FBXL17: variants seen among roughly 807,000 people sequenced by gnomAD.
FBXL17 encodes the protein F-box/LRR-repeat protein 17.
Under a neutral mutation model 66.2 loss-of-function variants are expected in FBXL17, and 22 were observed. That is an observed-to-expected ratio of 0.33 (90% CI 0.24 to 0.47). The LOEUF (loss-of-function observed/expected upper bound fraction) is 0.47. FBXL17 is among the 20% of genes least tolerant of loss of function. FBXL17 has a pLI of 1.00. For missense variants in FBXL17, 878 were observed against 948.2 expected (o/e 0.93, Z 0.97); for synonymous variants, 474 against 400.5 (o/e 1.18, Z -2.19).
intron 3 of FBXL17, among the ~76,000 whole-genome samples, chr5:108,353,633 T>C (rs1747782490): frequency 6.6e-6 from 1 of 152,164 alleles, no homozygotes. Flanking sequence ...TGTGGGAGTT[T>C]TGTCAGAGCC....
chr5:108,129,388 G>A (rs1750839135), intron 6 of FBXL17, among the ~76,000 whole-genome samples: 1 of 151,938 alleles, frequency 6.6e-6, no homozygotes, highest in Non-Finnish European at 1.5e-5. Context: ...ATATTTCTAA[G>A]GAATTCATCT....
At position 108,381,142 on chromosome 5, in the gene FBXL17, G is replaced by A. The variant is rs1203946148; in HGVS notation, c.550C>T (p.Pro184Ser). ...AAVQLFRGPT[P>S]SPAELPTPPE... ...GGCGTAGGGAGCTCGGCCGGTGACGGTGTCGGCCCCCGGAAGAGCTGCACG... is the reference window on the plus strand; with the variant it reads ...GGCGTAGGGAGCTCGGCCGGTGACGATGTCGGCCCCCGGAAGAGCTGCACG... The change falls in exon 1 of 9, where the codon CCG becomes TCG. Residue 184 changes from proline (P) to serine (S), a missense_variant. By Grantham distance (74) the Pro-to-Ser change is moderately conservative (BLOSUM62 -1). Transcript: ENST00000542267. 19 of 1,393,472 alleles carry A rather than the reference G, an allele frequency of 1.4e-5. No homozygotes were observed. In the Admixed American group the frequency reaches 5.6e-4, roughly 41 times the overall value. The allele number at this position is 1,393,472 out of a possible 1,614,324, so 86.3% of individuals were successfully genotyped here.
rs1580941256 is a variant in FBXL17, at chr5:108,381,496, G to A, written c.196C>T (p.His66Tyr). Residue 66 changes from histidine to tyrosine, a missense_variant, in exon 1 of 9, where the codon CAC (histidine) becomes TAC (tyrosine). Around this residue, in one of 4 missense-constraint regions of FBXL17, gnomAD observed 605 missense variants for 509.5 expected, o/e 1.19. Coordinates refer to ENST00000542267, the MANE Select transcript of FBXL17 (RefSeq NM_001163315.3). ...RGPCMLCFIV[H>Y]SPGAPAPAGP... ...GCGGGGGCGGGCGCGCCGGGACTGT[G>A]CACGATGAAGCAGAGCATGCAGGGC... The A allele has an allele frequency of 3.6e-6, 5 of 1,387,834 alleles. No homozygotes were observed. The East Asian group carries it at 1.2e-4, about 34-fold the overall frequency. 86.0% of individuals were successfully genotyped at this position (1,387,834 alleles called of 1,614,324 possible). A position where few individuals can be genotyped will look rare whatever the true frequency, so the allele number is the denominator to read the frequency against.
intron 7 of FBXL17, among the ~76,000 whole-genome samples, chr5:107,940,173 T>C (rs188668435): frequency 4.6e-5 from 7 of 152,266 alleles, no homozygotes; most frequent in Admixed American, 4.6e-4. Flanking sequence ...AGAGTTGTCA[T>C]TTGAACCCAG....
intron 7 of FBXL17, among the ~76,000 whole-genome samples, chr5:107,998,364 C>G (rs537974008): frequency 3.9e-5 from 6 of 152,204 alleles, no homozygotes; most frequent in Middle Eastern, 6.8e-3. Flanking sequence ...CAATTACTTT[C>G]TTCAACTCAA....
intron 6 of FBXL17, among the ~76,000 whole-genome samples, chr5:108,174,018 T>C (rs1459369232): frequency 6.6e-6 from 1 of 152,184 alleles, no homozygotes; most frequent in African/African-American, 2.4e-5. Context: ...TGAGAAGCCA[T>C]ATGAGAAGCC....
chr5:107,879,690 T>C (rs1411653961), intron 8 of FBXL17: 1 of 985,352 alleles, frequency 1.0e-6, no homozygotes, highest in Admixed American at 6.1e-5. Flanking sequence ...TGCATGCCCT[T>C]TGAATGGCGT....
chr5:108,101,914 C>T (rs1749616017), intron 6 of FBXL17, among the ~76,000 whole-genome samples: 1 of 152,140 alleles, frequency 6.6e-6, no homozygotes, highest in Non-Finnish European at 1.5e-5. Context: ...GTAGACATCA[C>T]AGAAGCAAAA....
chr5:108,325,911 A>G (rs764544047), intron 4 of FBXL17, among the ~76,000 whole-genome samples: 6 of 152,210 alleles, frequency 3.9e-5, no homozygotes, highest in Non-Finnish European at 7.4e-5. Flanking sequence ...CTACAAAACC[A>G]AAAGACTCTA....
chr5:107,957,855 A>G (rs1751723984), intron 7 of FBXL17, among the ~76,000 whole-genome samples: 1 of 152,202 alleles, frequency 6.6e-6, no homozygotes, highest in Non-Finnish European at 1.5e-5. Context: ...CTGAAAAATG[A>G]ATCTCCATTT....
At chr5:108,178,088 C>A (rs1036552225) in intron 6 of FBXL17, among the ~76,000 whole-genome samples, 1 of 151,806 alleles carries the variant, frequency 6.6e-6, no homozygotes, top group African/African-American at 2.4e-5. Context: ...AGCAGTGGCA[C>A]GATCACAGCT....
intron 6 of FBXL17, among the ~76,000 whole-genome samples, chr5:108,129,718 T>C (rs1449231676): frequency 1.3e-5 from 2 of 151,942 alleles, no homozygotes; most frequent in African/African-American, 2.4e-5. Flanking sequence ...CAGTAATTCA[T>C]TACCACAATA....
At chr5:107,861,910 G>T in intron 8 of FBXL17, 50 bp from the exon 9 acceptor site, 1 of 1,418,584 alleles carries the variant, frequency 7.0e-7, no homozygotes. Flanking sequence ...CCAACACCAC[G>T]CCGCTGCCCA....
intron 4 of FBXL17, among the ~76,000 whole-genome samples, chr5:108,226,533 C>T (rs964083576): frequency 1.3e-5 from 2 of 152,074 alleles, no homozygotes; most frequent in African/African-American, 2.4e-5. Flanking sequence ...CATTTTTACA[C>T]CAGTGACTCA....
chr5:108,288,381 G>A (rs984931499), intron 4 of FBXL17, among the ~76,000 whole-genome samples: 2 of 151,058 alleles, frequency 1.3e-5, no homozygotes, highest in Non-Finnish European at 3.0e-5. Flanking sequence ...AAAAAAATGG[G>A]ACCAACAGAC....
chr5:107,879,208 C>A (rs1748702955), intron 8 of FBXL17: 1 of 985,290 alleles, frequency 1.0e-6, no homozygotes, highest in Non-Finnish European at 1.2e-6. Context: ...AGAAATATGA[C>A]AATTTCTGAG....
chr5:108,146,989 TTC>T (rs994604387), intron 6 of FBXL17, among the ~76,000 whole-genome samples: 1 of 152,136 alleles, frequency 6.6e-6, no homozygotes, highest in African/African-American at 2.4e-5. Context: ...CTGATGAAGG[TTC>T]TCTCTCTGCT....
intron 6 of FBXL17, among the ~76,000 whole-genome samples, chr5:108,114,529 ATTCT>A (rs1750167326): frequency 1.3e-5 from 2 of 152,204 alleles, no homozygotes; most frequent in Admixed American, 6.5e-5. Flanking sequence ...GTAGCCCCAC[ATTCT>A]TTGTTTGTGA....
intron 7 of FBXL17, among the ~76,000 whole-genome samples, chr5:107,891,912 G>A (rs1432424107): frequency 6.6e-6 from 1 of 151,972 alleles, no homozygotes; most frequent in Admixed American, 6.6e-5. Flanking sequence ...ATGGGGTTAT[G>A]TCCCAATAAA....
Sources: allele counts gnomAD v4.1 joint callset (sites outside exome capture counted in the v4.1 genomes callset), GRCh38; gene constraint gnomAD v4.1.1; regional missense constraint gnomAD v4.1.1; transcripts MANE v1.5; gene names NCBI Gene and HGNC (gene_info 2026-07-23, HGNC 2026-07-21).